ATP2B1: variants seen among roughly 807,000 people sequenced by gnomAD.
The protein encoded by ATP2B1 is plasma membrane calcium-transporting ATPase 1.
Under a neutral mutation model 124.2 loss-of-function variants are expected in ATP2B1, and 14 were observed. The observed-to-expected ratio is 0.11, with a 90% CI of 0.07 to 0.18. ATP2B1 has a LOEUF of 0.18. Among genes scored for constraint, ATP2B1 ranks in the 10% least tolerant of loss-of-function variants. The pLI, the probability that ATP2B1 is intolerant of heterozygous loss-of-function variation, is 1.00. For missense variants in ATP2B1, 763 were observed against 1,466.1 expected, an observed-to-expected ratio of 0.52 and a Z score of 7.83; for synonymous variants, 449 against 492.4, an observed-to-expected ratio of 0.91 and a Z score of 1.17.
chr12:89,625,653 G>A (rs981555421), intron 8 of ATP2B1, among the ~76,000 whole-genome samples: 2 of 151,288 alleles, frequency 1.3e-5, no homozygotes, highest in Non-Finnish European at 2.9e-5. Flanking sequence ...CACATATCTG[G>A]TTCTAACATC....
intron 18 of ATP2B1, 43 bp downstream of exon 18, chr12:89,603,000 C>A: frequency 1.3e-6 from 2 of 1,571,164 alleles, no homozygotes; most frequent in South Asian, 1.1e-5. Context: ...TAATGTCTCC[C>A]ATTTAACAGG....
At position 89,603,306 on chromosome 12, in the gene ATP2B1, C is replaced by T; in HGVS notation, c.2849-52G>A. 7.1e-7 allele frequency: 1 copy of T among 1,406,816 alleles called. No individual in the cohort carries two copies. The highest frequency in any genetic ancestry group is 9.6e-7 in the Non-Finnish European group (1 of 1,041,954). The allele number at this position is 1,406,816 out of a possible 1,614,324, so 87.1% of individuals were successfully genotyped here. On this transcript the variant is annotated intron_variant, in intron 17 of 20. Transcript: ENST00000428670. This position sits in a 1 kb window ranked among gnomAD's most constrained non-coding sequence, Gnocchi z 4.3. ...GTAATTATCATACCAAATTAGATTT[C>T]AAGGAGGTATACAAATTACAACTTA...
intron 15 of ATP2B1, among the ~76,000 whole-genome samples, chr12:89,606,605 G>A (rs559836043): frequency 9.6e-5 from 12 of 124,644 alleles, no homozygotes; most frequent in South Asian, 4.9e-4. Flanking sequence ...ATAGAGTCTC[G>A]CTCTGTTGCC....
chr12:89,605,600 A>G (rs1311690182), intron 15 of ATP2B1, among the ~76,000 whole-genome samples: 1 of 152,210 alleles, frequency 6.6e-6, no homozygotes, highest in Non-Finnish European at 1.5e-5. Flanking sequence ...ATGAATTATT[A>G]AGTCTTAGAT....
chr12:89,599,188 C>T lies in ATP2B1; in HGVS notation c.3280G>A (p.Asp1094Asn), dbSNP rs1465462304. Residue 1094 changes from aspartate to asparagine, a missense_variant, in exon 20 of 21, where the codon GAT (aspartate) becomes AAT (asparagine). By Grantham distance (23) the Asp-to-Asn change is conservative. This residue lies in a region of ATP2B1 where 118 missense variants were observed against 240.3 expected (regional missense o/e 0.49). Coordinates refer to ENST00000428670, the MANE Select transcript of ATP2B1 (RefSeq NM_001366521.1). ...EELAEDVEEI[D>N]HAERELRRGQ... ...CGCCGCAACTCCCTTTCAGCGTGAT[C>T]AATCTCTTCAACATCCTCTGCTAAT... 6.2e-7 allele frequency: 1 copy of T among 1,614,086 alleles called. No homozygotes were observed. The highest frequency in any genetic ancestry group is 8.5e-7 in the Non-Finnish European group (1 of 1,180,040).
rs183753564 is a variant in ATP2B1 at position 89,590,118 on chromosome 12, A to G, written c.*866T>C. 179 of 152,704 alleles carry G rather than the reference A, an allele frequency of 1.2e-3. No homozygotes were observed. Among genetic ancestry groups the G allele is most frequent in the African/African-American group, 4.1e-3 (169 of 41,574 alleles). 9.5% of individuals were successfully genotyped at this position (152,704 alleles called of 1,614,324 possible). ...CATTATGTAGTTGATGTCCTGCATT[A>G]AACAATCTACTAAATTCTGAACAAA... On this transcript the variant is annotated 3_prime_UTR_variant, in exon 21 of 21. Coordinates refer to ENST00000428670, the MANE Select transcript of ATP2B1 (RefSeq NM_001366521.1).
chr12:89,633,657 TA>T (rs1301911497), intron 5 of ATP2B1, among the ~76,000 whole-genome samples: 1 of 152,126 alleles, frequency 6.6e-6, no homozygotes, highest in Non-Finnish European at 1.5e-5. Context: ...TTATAAATCT[TA>T]AAAAGTTATG....
At chr12:89,646,676 T>C (rs947400614) in intron 2 of ATP2B1, among the ~76,000 whole-genome samples, 1 of 152,102 alleles carries the variant, frequency 6.6e-6, no homozygotes, top group African/African-American at 2.4e-5. Flanking sequence ...AATATTCCAG[T>C]GCAACGGTGT....
At chr12:89,602,160 G>A (rs764210041) in intron 18 of ATP2B1, among the ~76,000 whole-genome samples, 9 of 152,246 alleles carry the variant, frequency 5.9e-5, no homozygotes, top group Non-Finnish European at 8.8e-5. Context: ...GGTTGGGTGT[G>A]GTGACTCATA....
chr12:89,687,386 G>T (rs1007148832), intron 1 of ATP2B1, among the ~76,000 whole-genome samples: 6 of 152,104 alleles, frequency 3.9e-5, no homozygotes, highest in African/African-American at 1.4e-4. Context: ...ATACCATCTA[G>T]GTTTGTGTAG....
intron 1 of ATP2B1, among the ~76,000 whole-genome samples, chr12:89,658,598 G>GGAGA (rs67298800): frequency 0.097 from 6,748 of 69,370 alleles, 758 homozygotes; most frequent in East Asian, 0.2. Flanking sequence ...AATTCAAACA[G>GGAGA]GAGAGAGAGA....
chr12:89,686,814 A>G (rs1263878064), intron 1 of ATP2B1, among the ~76,000 whole-genome samples: 5 of 152,118 alleles, frequency 3.3e-5, no homozygotes, highest in Non-Finnish European at 7.4e-5. Flanking sequence ...TAAAGTGACA[A>G]TAAGTGTTAT....
chr12:89,683,570 CATGTAATTCTAGCCCGTAACT>C (rs1489323775), intron 1 of ATP2B1, among the ~76,000 whole-genome samples: 7 of 152,196 alleles, frequency 4.6e-5, no homozygotes, highest in Admixed American at 1.3e-4. Context: ...AAGAAATCAA[CATGTAATTCTAGCCCGTAACT>C]ATTCTATCCA....
chr12:89,665,257 T>G (rs1286154861), intron 1 of ATP2B1, among the ~76,000 whole-genome samples: 3 of 152,208 alleles, frequency 2.0e-5, no homozygotes, highest in Non-Finnish European at 2.9e-5. Context: ...CATTTAAGCC[T>G]TATAATACAC....
At chr12:89,644,507 A>G (rs1032697548) in intron 2 of ATP2B1, among the ~76,000 whole-genome samples, 15 of 152,096 alleles carry the variant, frequency 9.9e-5, no homozygotes, top group African/African-American at 2.9e-4. Context: ...ACTGGGCAAT[A>G]CGGAAAGTAT....
At chr12:89,709,293 G>C (rs992144847), upstream of ATP2B1, 1 of 152,312 alleles carries the variant, frequency 6.6e-6, no homozygotes, top group African/African-American at 2.4e-5. Flanking sequence ...AGCTGCTCCC[G>C]CTGCCACAGC....
chr12:89,630,772 A>AATAT (rs529665255), intron 5 of ATP2B1, 127 bp from the exon 6 acceptor site: 13 of 204,406 alleles, frequency 6.4e-5, no homozygotes, highest in Non-Finnish European at 5.6e-5. Flanking sequence ...TATAAATATA[A>AATAT]ATATATAAAT....
At chr12:89,627,495 T>C (rs1370075474) in intron 7 of ATP2B1, among the ~76,000 whole-genome samples, 183 bp downstream of exon 7, 1 of 151,460 alleles carries the variant, frequency 6.6e-6, no homozygotes, top group Non-Finnish European at 1.5e-5. Context: ...ATACTTAAAA[T>C]CTTATTAACA....
chr12:89,661,450 A>T (rs2136422548), intron 1 of ATP2B1, among the ~76,000 whole-genome samples: 1 of 152,218 alleles, frequency 6.6e-6, no homozygotes, highest in East Asian at 1.9e-4. Context: ...AAACACTCAT[A>T]ATTGTCTACT....
Sources: gnomAD v4.1 joint callset for allele counts (sites outside exome capture counted in the v4.1 genomes callset) on GRCh38, gnomAD v4.1.1 for gene constraint, gnomAD v4.1.1 regional missense constraint, Gnocchi (gnomAD v3.1) non-coding constraint, MANE v1.5 for transcripts, NCBI Gene and HGNC (gene_info 2026-07-23, HGNC 2026-07-21) for gene names.